The following SMARCC2 variants were observed in gnomAD, a reference collection of about 807,000 sequenced individuals.
The protein encoded by SMARCC2 is SWI/SNF related BAF chromatin remodeling complex subunit C2.
A neutral mutation model predicts 151.3 loss-of-function variants in SMARCC2; 15 were observed. The observed-to-expected ratio is 0.10, with a 90% CI of 0.07 to 0.15. The LOEUF (loss-of-function observed/expected upper bound fraction) is 0.15. Among genes scored for constraint, SMARCC2 ranks in the 10% least tolerant of loss-of-function variants. The pLI is 1.00. For missense variants in SMARCC2, 1,031 were observed against 1,599.7 expected, an observed-to-expected ratio of 0.64 and a Z score of 6.06; for synonymous variants, 590 against 609.5, an observed-to-expected ratio of 0.97 and a Z score of 0.47.
chr12:56,178,157 G>A, intron 14 of SMARCC2, 64 bp from the exon 15 acceptor site: 1 of 1,351,336 alleles, frequency 7.4e-7, no homozygotes, highest in Non-Finnish European at 1.0e-6. Flanking sequence ...GCCCCAAAGG[G>A]AGGAAAAGCC....
chr12:56,185,785 C>G (rs1418435072), intron 3 of SMARCC2: 24 of 221,096 alleles, frequency 1.1e-4, no homozygotes, highest in Non-Finnish European at 4.5e-5. Context: ...GCCATGACTT[C>G]TTAATATGGG....
In SMARCC2 at chr12:56,173,007, G is replaced by C. The variant is rs1874246479; in HGVS notation, c.1673C>G (p.Thr558Ser). 1 of 1,613,982 alleles carries C rather than the reference G, an allele frequency of 6.2e-7. No homozygotes were observed. Among genetic ancestry groups the C allele is most frequent in the Admixed American group, 1.7e-5 (1 of 60,012 alleles). Reference sequence around the variant, plus strand: ...CTCTTTGCCCTTTCGCCCAGCCTTGGTATCAGCATCAACCTGGCGGCCCTG... The same window carrying C: ...CTCTTTGCCCTTTCGCCCAGCCTTGCTATCAGCATCAACCTGGCGGCCCTG... ...TPQGRQVDAD[T>S]KAGRKGKELD... The change falls in exon 18 of 29, where the codon ACC (threonine) becomes AGC (serine). Residue 558 changes from threonine (T) to serine (S), a missense_variant. Thr to Ser is a moderately conservative substitution (Grantham distance 58). Coordinates refer to ENST00000550164, the MANE Select transcript of SMARCC2 (RefSeq NM_001330288.2).
intron 1 of SMARCC2, among the ~76,000 whole-genome samples, chr12:56,187,559 T>C (rs754700202): frequency 6.6e-6 from 1 of 152,156 alleles, no homozygotes; most frequent in Non-Finnish European, 1.5e-5. Flanking sequence ...TCTTCCTCAG[T>C]TATACTCTGA....
intron 26 of SMARCC2, among the ~76,000 whole-genome samples, chr12:56,167,136 G>A (rs1164080940): frequency 2.7e-5 from 4 of 149,898 alleles, no homozygotes; most frequent in Non-Finnish European, 5.9e-5. Context: ...CTGATCACCT[G>A]AGATCGGGAG....
At chr12:56,178,914 C>T in intron 12 of SMARCC2, 67 bp from the exon 13 acceptor site, 1 of 1,604,158 alleles carries the variant, frequency 6.2e-7, no homozygotes, top group African/African-American at 1.3e-5. Flanking sequence ...TACCAAAAGC[C>T]CATCAGGCTA....
At chr12:56,182,516 G>C (rs968151459) in intron 7 of SMARCC2, among the ~76,000 whole-genome samples, 3 of 151,488 alleles carry the variant, frequency 2.0e-5, no homozygotes, top group African/African-American at 7.3e-5. Context: ...GTACAGACGG[G>C]GTTTCACCAT....
rs375352481 is a variant in SMARCC2 at position 56,162,371 on chromosome 12, C to T, written c.*1318G>A. ...TGCACCCACAAGATGGAACTGAAAGCAAATTAATTTATAAAAAAAAAAAAA... is the reference window on the plus strand; with the variant it reads ...TGCACCCACAAGATGGAACTGAAAGTAAATTAATTTATAAAAAAAAAAAAA... On this transcript the variant is annotated 3_prime_UTR_variant, in exon 29 of 29. Transcript: ENST00000550164. 25 of 534,558 alleles carry T rather than the reference C, an allele frequency of 4.7e-5. 1 individual carries two copies. The highest frequency in any genetic ancestry group is 3.2e-4 in the East Asian group (10 of 31,690). The allele number at this position is 534,558 out of a possible 1,614,324, so 33.1% of individuals were successfully genotyped here.
rs1872576263 is a variant in SMARCC2, at chr12:56,165,350, A to G, written c.3200T>C (p.Val1067Ala). ...TCCAGGGGGGGGAACCCCTGGTGGGACTGCCCCAGGCTGGGGGGCTCCAGC... is the reference window on the plus strand; with the variant it reads ...TCCAGGGGGGGGAACCCCTGGTGGGGCTGCCCCAGGCTGGGGGGCTCCAGC... ...QPAGAPQPGA[V>A]PPGVPPPGPH... The change falls in exon 27 of 29, where the codon GTC (valine) becomes GCC (alanine). Residue 1067 changes from valine to alanine, a missense_variant. By Grantham distance (64) the Val-to-Ala change is moderately conservative. Coordinates refer to ENST00000550164, the MANE Select transcript of SMARCC2 (RefSeq NM_001330288.2). The G allele has an allele frequency of 3.3e-6, 5 of 1,500,550 alleles. No individual in the cohort carries two copies. The highest frequency in any genetic ancestry group is 4.4e-6 in the Non-Finnish European group (5 of 1,127,766). 93.0% of individuals were successfully genotyped at this position (1,500,550 alleles called of 1,614,324 possible). A position where few individuals can be genotyped will look rare whatever the true frequency, so the allele number is the denominator to read the frequency against.
intron 3 of SMARCC2, chr12:56,185,688 G>C: frequency 6.2e-6 from 1 of 161,488 alleles, no homozygotes; most frequent in Non-Finnish European, 1.3e-5. Flanking sequence ...AAGTTGGCCA[G>C]GCTGGTCTCA....
At chr12:56,172,794 T>C (rs1874205992) in intron 18 of SMARCC2, 90 bp from the exon 19 acceptor site, 2 of 1,592,704 alleles carry the variant, frequency 1.3e-6, no homozygotes, top group Non-Finnish European at 1.7e-6. Context: ...AAGGAGCTTC[T>C]TTCCCAAAGC....
In SMARCC2 at chr12:56,187,298, T is replaced by C. The variant is rs1480995417; in HGVS notation, c.120A>G (p.Gln40=). The C allele has an allele frequency of 6.2e-7, 1 of 1,612,718 alleles. No homozygotes were observed. The highest frequency in any genetic ancestry group is 1.7e-5 in the Admixed American group (1 of 59,830). The change falls in exon 2 of 29, where the codon CAA becomes CAG. Residue 40 remains glutamine, a synonymous_variant. Coordinates refer to ENST00000550164, the MANE Select transcript of SMARCC2 (RefSeq NM_001330288.2). The part of the protein sequence containing the change: ...WLGKNYKKYI[Q]AEPPTNKSLS... ...GGGACTTGTTGGTGGGTGGTTCAGC[T>C]TGTATATACTAAGGAAAAAGAGGGA...
chr12:56,188,394 C>G (rs998773893), intron 1 of SMARCC2, among the ~76,000 whole-genome samples: 1 of 152,100 alleles, frequency 6.6e-6, no homozygotes, highest in Non-Finnish European at 1.5e-5. Context: ...ACACTTCTGA[C>G]GAGCTGCAAA....
intron 17 of SMARCC2, 71 bp from the exon 18 acceptor site, chr12:56,173,100 G>T: frequency 7.1e-7 from 1 of 1,407,436 alleles, no homozygotes; most frequent in Non-Finnish European, 1.0e-6. Context: ...GAGGCCTCAA[G>T]ACCATATGCT....
intron 20 of SMARCC2, 56 bp downstream of exon 20, chr12:56,172,372 A>G: frequency 6.8e-7 from 1 of 1,473,094 alleles, no homozygotes; most frequent in Admixed American, 2.2e-5. Context: ...GTGAGCCTCT[A>G]CACGGAGCCC....
chr12:56,164,075 G>A (rs1243672947), intron 28 of SMARCC2, among the ~76,000 whole-genome samples: 1 of 152,190 alleles, frequency 6.6e-6, no homozygotes, highest in Non-Finnish European at 1.5e-5. Context: ...ATTGCTCCAT[G>A]ACCCACCAGT....
At chr12:56,174,605 G>A (rs371976282) in intron 16 of SMARCC2, 46 bp downstream of exon 16, 7 of 1,243,208 alleles carry the variant, frequency 5.6e-6, no homozygotes, top group Non-Finnish European at 8.3e-6. Context: ...CACATCCATA[G>A]GCAGGCATCC....
chr12:56,179,106 C>T (rs1875617368), intron 11 of SMARCC2, 50 bp from the exon 12 acceptor site: 3 of 1,530,660 alleles, frequency 2.0e-6, no homozygotes, highest in Non-Finnish European at 2.7e-6. Context: ...CTAATTCAAG[C>T]CTTCAATTTA....
At chr12:56,184,317 C>T in intron 5 of SMARCC2, 73 bp from the exon 6 acceptor site, 1 of 1,066,130 alleles carries the variant, frequency 9.4e-7, no homozygotes, top group Non-Finnish European at 1.4e-6. Context: ...ACAGAGCTGC[C>T]TTCCTAACCA....
At chr12:56,186,312 T>C (rs1877233830) in intron 2 of SMARCC2, 72 bp from the exon 3 acceptor site, 1 of 912,210 alleles carries the variant, frequency 1.1e-6, no homozygotes, top group Non-Finnish European at 1.8e-6. Flanking sequence ...AATAATCTAA[T>C]AATCCTTTCA....
Sources: gnomAD v4.1 joint callset for allele counts (sites outside exome capture counted in the v4.1 genomes callset) on GRCh38, gnomAD v4.1.1 for gene constraint, MANE v1.5 for transcripts, NCBI Gene and HGNC (gene_info 2026-07-23, HGNC 2026-07-21) for gene names.